VPS72: variants seen among roughly 807,000 people sequenced by gnomAD.
The protein encoded by VPS72 is vacuolar protein sorting 72 homolog, also known as vacuolar protein sorting-associated protein 72 homolog.
Under a neutral mutation model 38.9 loss-of-function variants are expected in VPS72, and 27 were observed. The observed-to-expected ratio is 0.69, with a 90% CI of 0.51 to 0.96. The LOEUF (loss-of-function observed/expected upper bound fraction) is 0.96. Ranked by LOEUF, VPS72 falls within the 40% of genes least tolerant of loss-of-function variation. The pLI is 0.00. For missense variants in VPS72, 360 were observed against 479.5 expected, an observed-to-expected ratio of 0.75 and a Z score of 2.33; for synonymous variants, 173 against 186.3, an observed-to-expected ratio of 0.93 and a Z score of 0.58.
In VPS72 at chr1:151,176,406, T is replaced by C. The variant is rs1333840192; in HGVS notation, c.*238A>G. 1.8e-6 allele frequency: 1 copy of C among 566,694 alleles called. No individual in the cohort carries two copies. The highest frequency in any genetic ancestry group is 3.0e-6 in the Non-Finnish European group (1 of 331,252). The allele number at this position is 566,694 out of a possible 1,614,324, so 35.1% of individuals were successfully genotyped here. A position where few individuals can be genotyped will look rare whatever the true frequency, so the allele number is the denominator to read the frequency against. ...ATGCTATCGAATAAAGACCCAAATA[T>C]ATGCAGGTATTCAAATACTTCTTGC... is the stretch of plus-strand genomic sequence containing the variant. On this transcript the variant is annotated 3_prime_UTR_variant, in exon 6 of 6. Transcript: ENST00000368892.
rs754669228 is a variant in VPS72, at chr1:151,176,668, C to T, written c.1071G>A (p.Leu357=). Residue 357 remains leucine (L), a synonymous_variant, in exon 6 of 6, where the codon TTG becomes TTA. Transcript: ENST00000368892. ...TTCATTTAATGACAATTTTCTGGCGCAAGGCTCGGGGCCCAGAGCCAGGGA... is the reference window on the plus strand; with the variant it reads ...TTCATTTAATGACAATTTTCTGGCGTAAGGCTCGGGGCCCAGAGCCAGGGA... ...EPLPGSGPRA[L]RQKIVIK 12 of 1,613,846 alleles carry T rather than the reference C, an allele frequency of 7.4e-6. No individual in the cohort carries two copies. In the Admixed American group the frequency reaches 2.0e-4, roughly 27 times the overall value.
intron 4 of VPS72, among the ~76,000 whole-genome samples, chr1:151,179,393 A>G (rs1684186259): frequency 6.6e-6 from 1 of 151,980 alleles, no homozygotes; most frequent in African/African-American, 2.4e-5. Context: ...AGGTCAGGAG[A>G]TCAAGACCAT....
At position 151,176,944 on chromosome 1, in the gene VPS72, G is replaced by A. The variant is rs771152305; in HGVS notation, c.795C>T (p.Phe265=). The A allele has an allele frequency of 1.2e-6, 2 of 1,613,130 alleles. No individual in the cohort carries two copies. The change falls in exon 6 of 6, where the codon TTC becomes TTT. Residue 265 remains phenylalanine (F), a synonymous_variant. Transcript: ENST00000368892. The part of the protein sequence containing the change: ...VNPPARCSRT[F]ITFSDDATFE... ...AAGTTGCATCATCACTAAAAGTGAT[G>A]AAGGTACGTGAGCAGCGAGCAGGGG...
At chr1:151,177,547 G>A (rs1684142886) in intron 5 of VPS72, among the ~76,000 whole-genome samples, 1 of 151,926 alleles carries the variant, frequency 6.6e-6, no homozygotes, top group African/African-American at 2.4e-5. Context: ...GAAGAACAGA[G>A]AAGCTAAAAG....
rs761166733 is a variant in VPS72, at chr1:151,176,627, G to A, written c.*17C>T. ...CAATCAGGGCAGGAAAGAAGTTTCT[G>A]AGGACTAGACATCTCTTCATTTAAT... On this transcript the variant is annotated 3_prime_UTR_variant, in exon 6 of 6. Transcript: ENST00000368892. 1 of 1,609,524 alleles carries A rather than the reference G, an allele frequency of 6.2e-7. No homozygotes were observed. The highest frequency in any genetic ancestry group is 8.5e-7 in the Non-Finnish European group (1 of 1,177,716).
intron 3 of VPS72, among the ~76,000 whole-genome samples, chr1:151,184,905 G>C (rs745819959): frequency 6.6e-6 from 1 of 151,958 alleles, no homozygotes; most frequent in African/African-American, 2.4e-5. Flanking sequence ...TCAAACCTAC[G>C]AAGTTGCAAG....
Position 151,178,044 on chromosome 1 carries a change from C to T in VPS72, c.664G>A (p.Val222Ile), listed in dbSNP as rs367571386. The T allele has an allele frequency of 6.2e-7, 1 of 1,614,138 alleles. No individual in the cohort carries two copies. The highest frequency in any genetic ancestry group is 8.5e-7 in the Non-Finnish European group (1 of 1,180,010). Residue 222 changes from valine to isoleucine, a missense_variant, in exon 5 of 6, where the codon GTT becomes ATT. Transcript: ENST00000368892. ...TCTTCCTTGGGGCCTGGCTCCCCAA[C>T]AAGTGGCACTGTCACTGAATGATAG... ...ITYHSVTVPL[V>I]GEPGPKEENV... is the part of the protein sequence containing the mutation.
chr1:151,187,330 C>A (rs990204396), intron 1 of VPS72, among the ~76,000 whole-genome samples: 6 of 152,160 alleles, frequency 3.9e-5, no homozygotes, highest in African/African-American at 1.4e-4. Flanking sequence ...CACATGATGC[C>A]AAAGCAAGCA....
At chr1:151,185,163 CAG>C (rs1270569440) in intron 3 of VPS72, among the ~76,000 whole-genome samples, 1 of 151,852 alleles carries the variant, frequency 6.6e-6, no homozygotes. Context: ...TTTCTGGTGA[CAG>C]AGTTTTGCTC....
intron 1 of VPS72, among the ~76,000 whole-genome samples, chr1:151,186,324 C>T (rs1479267175): frequency 2.0e-5 from 3 of 151,748 alleles, no homozygotes; most frequent in Admixed American, 6.6e-5. Flanking sequence ...TTTGGGAGGC[C>T]GAGGTGGGCA....
At chr1:151,177,924 T>G in intron 5 of VPS72, 77 bp downstream of exon 5, 64 of 1,519,578 alleles carry the variant, frequency 4.2e-5, no homozygotes, top group South Asian at 6.1e-5. Flanking sequence ...GAGAGCTGTG[T>G]GAGAAAAGCA....
rs199646220 is a variant in VPS72, at chr1:151,184,326, G to A, written c.553C>T (p.Arg185Trp). ...GAAACCACAGACTTACCCAGTGACC[G>A]TAAATTAAGCTCTTCTGTGATCTTG... ...EAKITEELNL[R>W]SLETYERLEA... The change falls in exon 4 of 6, where the codon CGG becomes TGG. Residue 185 changes from arginine (R) to tryptophan (W), a missense_variant. Arg to Trp is a moderately radical substitution (Grantham distance 101). This residue lies in a region of VPS72 where 294 missense variants were observed against 356.3 expected (regional missense o/e 0.83). Transcript: ENST00000368892. The A allele has an allele frequency of 6.2e-6, 10 of 1,613,882 alleles. No individual in the cohort carries two copies. Among genetic ancestry groups the A allele is most frequent in the East Asian group, 4.5e-5 (2 of 44,866 alleles).
At chr1:151,179,524 A>G (rs1168354241) in intron 4 of VPS72, among the ~76,000 whole-genome samples, 3 of 151,702 alleles carry the variant, frequency 2.0e-5, no homozygotes, top group African/African-American at 7.3e-5. Context: ...GCGTGAACCC[A>G]GGAGGCAGAG....
Position 151,190,143 on chromosome 1 carries a change from G to C in VPS72, c.-22C>G. ...TCATACCGCCTACCGAGACTGCGCC[G>C]CCACCTGCAGCCCCTCACCAGCTCG... On this transcript the variant is annotated 5_prime_UTR_variant, in exon 1 of 6. Coordinates refer to ENST00000368892, the MANE Select transcript of VPS72 (RefSeq NM_005997.3). 1 of 1,609,882 alleles carries C rather than the reference G, an allele frequency of 6.2e-7. No individual in the cohort carries two copies. Among genetic ancestry groups the C allele is most frequent in the South Asian group, 1.1e-5 (1 of 91,042 alleles).
chr1:151,179,912 G>A (rs587727972), intron 4 of VPS72, among the ~76,000 whole-genome samples: 2 of 151,680 alleles, frequency 1.3e-5, no homozygotes, highest in South Asian at 2.1e-4. Context: ...ACAAACATAC[G>A]AAAAAAAATG....
rs1684101241 is a variant in VPS72 at position 151,176,517 on chromosome 1, G to T, written c.*127C>A. On this transcript the variant is annotated 3_prime_UTR_variant, in exon 6 of 6. Coordinates refer to ENST00000368892, the MANE Select transcript of VPS72 (RefSeq NM_005997.3). ...CACAACGAAACCTGTAAGAACTAGG[G>T]GAAAAGGAAAAAGAAACAGATTAGG... 7.0e-7 allele frequency: 1 copy of T among 1,429,372 alleles called. No homozygotes were observed. Among genetic ancestry groups the T allele is most frequent in the South Asian group, 1.4e-5 (1 of 70,836 alleles). The allele number at this position is 1,429,372 out of a possible 1,614,324, so 88.5% of individuals were successfully genotyped here.
At chr1:151,188,431 T>G (rs942382062) in intron 1 of VPS72, among the ~76,000 whole-genome samples, 38 of 152,186 alleles carry the variant, frequency 2.5e-4, no homozygotes, top group African/African-American at 9.2e-4. Flanking sequence ...ACAGAGTAAG[T>G]AACCTTCCTA....
chr1:151,185,685 A>G lies in VPS72; in HGVS notation c.271-65T>C, dbSNP rs1684333415. On this transcript the variant is annotated intron_variant, in intron 2 of 5. Coordinates refer to ENST00000368892, the MANE Select transcript of VPS72 (RefSeq NM_005997.3). ...AGTCAGGAGAAATATGAGGATCTCA[A>G]TGAGAGAAAACTAGCATTGCCAGAA... 3.7e-6 allele frequency: 6 copies of G among 1,608,928 alleles called. No individual in the cohort carries two copies. In the African/African-American group the frequency reaches 4.0e-5, roughly 11 times the overall value.
chr1:151,185,723 T>C (rs1684334012), intron 2 of VPS72, 75 bp downstream of exon 2: 3 of 1,610,404 alleles, frequency 1.9e-6, no homozygotes. Flanking sequence ...GGAAGTGGCA[T>C]AGGGAGTACT....
Sources: gnomAD v4.1 joint callset for allele counts (sites outside exome capture counted in the v4.1 genomes callset) on GRCh38, gnomAD v4.1.1 for gene constraint, gnomAD v4.1.1 regional missense constraint, MANE v1.5 for transcripts, NCBI Gene and HGNC (gene_info 2026-07-23, HGNC 2026-07-21) for gene names.